Variants in PSMD8 observed in about 807,000 individuals in gnomAD.
The protein encoded by PSMD8 is proteasome 26S subunit, non-ATPase 8.
A neutral mutation model predicts 40.0 loss-of-function variants in PSMD8; 30 were observed. The ratio of observed to expected loss-of-function variants is 0.75; its 90% confidence interval spans 0.56 to 1.02. The LOEUF (loss-of-function observed/expected upper bound fraction) is 1.02. PSMD8 is among the 50% of genes least tolerant of loss of function. The probability of loss-of-function intolerance (pLI) is 0.00; values close to 1 mark genes in which losing one functional copy is unlikely to be tolerated. For synonymous variants in PSMD8, 208 were observed against 192.5 expected, an observed-to-expected ratio of 1.08 and a Z score of -0.67; for missense variants, 461 against 463.9, an observed-to-expected ratio of 0.99 and a Z score of 0.06.
At chr19:38,380,707 A>AGAGAGAGAGAGAGG (rs1555743507) in intron 4 of PSMD8, among the ~76,000 whole-genome samples, 192 bp from the exon 5 acceptor site, 1 of 120,884 alleles carries the variant, frequency 8.3e-6, no homozygotes, top group African/African-American at 3.5e-5. Flanking sequence ...AGAGAGAGAG[A>AGAGAGAGAGAGAGG]GTGTGTGTGT....
chr19:38,374,585 G>C lies in PSMD8; in HGVS notation c.-17G>C, dbSNP rs1156466712. 3.5e-6 allele frequency: 5 copies of C among 1,447,892 alleles called. No homozygotes were observed. Among genetic ancestry groups the C allele is most frequent in the Non-Finnish European group, 3.6e-6 (4 of 1,103,992 alleles). 89.7% of individuals were successfully genotyped at this position (1,447,892 alleles called of 1,614,324 possible). A position where few individuals can be genotyped will look rare whatever the true frequency, so the allele number is the denominator to read the frequency against. ...GTCACCATCTTGAGTGACGACAGAG[G>C]CGGAGCTCCAACTGACATGTTCATT... On this transcript the variant is annotated 5_prime_UTR_variant, in exon 1 of 7. Coordinates refer to ENST00000215071, the MANE Select transcript of PSMD8 (RefSeq NM_002812.5).
In PSMD8 at chr19:38,374,750, G is replaced by T; in HGVS notation, c.149G>T (p.Arg50Leu). Residue 50 changes from arginine to leucine, a missense_variant, in exon 1 of 7, where the codon CGC becomes CTC. Arg to Leu is a moderately radical substitution (Grantham distance 102). Coordinates refer to ENST00000215071, the MANE Select transcript of PSMD8 (RefSeq NM_002812.5). The part of the protein sequence containing the change: ...HFRRASVCRR[R>L]CRKSGGLLAA... ...CGCCGGGCAAGCGTTTGTAGGCGGC[G>T]CTGCCGTAAATCAGGCGGTCTGCTT... 1 of 1,557,232 alleles carries T rather than the reference G, an allele frequency of 6.4e-7. No homozygotes were observed.
intron 1 of PSMD8, 187 bp downstream of exon 1, chr19:38,375,148 C>A: frequency 2.0e-6 from 2 of 992,700 alleles, no homozygotes; most frequent in Non-Finnish European, 2.9e-6. Context: ...CGTCAAGAAG[C>A]GAGAGAGGGA....
Position 38,375,132 on chromosome 19 carries a change from G to A in PSMD8, c.360+171G>A, listed in dbSNP as rs1288099187. ...TTTGGAACAGCCAAAGTGGGGGCTCGGAGGGCGTCAAGAAGCGAGAGAGGG... is the reference window on the plus strand; with the variant it reads ...TTTGGAACAGCCAAAGTGGGGGCTCAGAGGGCGTCAAGAAGCGAGAGAGGG... On this transcript the variant is annotated intron_variant, in intron 1 of 6. Coordinates refer to ENST00000215071, the MANE Select transcript of PSMD8 (RefSeq NM_002812.5). The A allele has an allele frequency of 2.6e-6, 3 of 1,144,118 alleles. No homozygotes were observed. The African/African-American group carries it at 4.7e-5, about 18-fold the overall frequency. The allele number at this position is 1,144,118 out of a possible 1,614,324, so 70.9% of individuals were successfully genotyped here.
At chr19:38,381,964 T>G (rs1249794790) in intron 5 of PSMD8, among the ~76,000 whole-genome samples, 153 bp from the exon 6 acceptor site, 2 of 152,122 alleles carry the variant, frequency 1.3e-5, no homozygotes, top group African/African-American at 4.8e-5. Context: ...GTTTCTCCCC[T>G]TCTGAGCCTT....
In PSMD8 at chr19:38,374,926, C is replaced by T; in HGVS notation, c.325C>T (p.Leu109Phe). ...KGEWNRKSPN[L>F]SKCGEELGRL... Reference sequence around the variant, plus strand: ...CGAGTGGAACCGTAAAAGCCCCAATCTTAGCAAGTGCGGGGAAGAGCTGGG... The same window carrying T: ...CGAGTGGAACCGTAAAAGCCCCAATTTTAGCAAGTGCGGGGAAGAGCTGGG... Residue 109 changes from leucine to phenylalanine, a missense_variant, in exon 1 of 7, where the codon CTT becomes TTT. By Grantham distance (22) the Leu-to-Phe change is conservative. Coordinates refer to ENST00000215071, the MANE Select transcript of PSMD8 (RefSeq NM_002812.5). The T allele has an allele frequency of 6.3e-7, 1 of 1,580,670 alleles. No individual in the cohort carries two copies. Among genetic ancestry groups the T allele is most frequent in the Non-Finnish European group, 8.5e-7 (1 of 1,171,704 alleles).
intron 3 of PSMD8, 77 bp from the exon 4 acceptor site, chr19:38,379,162 GA>G: frequency 6.9e-7 from 1 of 1,439,410 alleles, no homozygotes; most frequent in Admixed American, 2.1e-5. Context: ...GCGTTGTGAG[GA>G]TTCCTGGAGC....
intron 5 of PSMD8, 123 bp from the exon 6 acceptor site, chr19:38,381,994 T>C (rs3760884): frequency 0.037 from 25,450 of 679,424 alleles, 562 homozygotes; most frequent in African/African-American, 0.074. Context: ...AACAGGGCCC[T>C]TCACATATTC....
In PSMD8 at chr19:38,380,760, AG is replaced by A. The variant is rs905962069; in HGVS notation, c.703-134del. ...TAAACCAGCAAGGGCTTTCTGGAAG[AG>A]GGGGTACCCAGGGCAGGGGTGTGGC... On this transcript the variant is annotated intron_variant, in intron 4 of 6. Transcript: ENST00000215071. 30 of 596,156 alleles carry A rather than the reference AG, an allele frequency of 5.0e-5. No homozygotes were observed. In the South Asian group the frequency reaches 6.1e-4, roughly 12 times the overall value. 36.9% of individuals were successfully genotyped at this position (596,156 alleles called of 1,614,324 possible).
At position 38,374,800 on chromosome 19, in the gene PSMD8, G is replaced by A; in HGVS notation, c.199G>A (p.Ala67Thr). ...TGCCGCATCACGCAAGATGGCGGCC[G>A]CGGCGGTGAACGGGGCGGCAGGCTT... is the stretch of plus-strand genomic sequence containing the variant. Reference protein sequence around the residue: ...LLAASRKMAAAAVNGAAGFSS... With the variant: ...LLAASRKMAATAVNGAAGFSS... The change falls in exon 1 of 7, where the codon GCG becomes ACG. Residue 67 changes from alanine (A) to threonine (T), a missense_variant. Transcript: ENST00000215071. 6.4e-7 allele frequency: 1 copy of A among 1,572,616 alleles called. No homozygotes were observed. Among genetic ancestry groups the A allele is most frequent in the South Asian group, 1.1e-5 (1 of 87,118 alleles).
intron 4 of PSMD8, among the ~76,000 whole-genome samples, chr19:38,380,376 G>A (rs1332591953): frequency 6.6e-6 from 1 of 152,196 alleles, no homozygotes; most frequent in African/African-American, 2.4e-5. Flanking sequence ...TGCTGTGTTC[G>A]AAGGACAGCC....
Position 38,379,316 on chromosome 19 carries a change from G to T in PSMD8, c.613G>T (p.Val205Leu). Residue 205 changes from valine (V) to leucine (L), a missense_variant, in exon 4 of 7, where the codon GTG becomes TTG. Val to Leu is a conservative substitution (Grantham distance 32). Coordinates refer to ENST00000215071, the MANE Select transcript of PSMD8 (RefSeq NM_002812.5). The stretch of plus-strand genomic sequence containing the variant: ...CCTCTTCCTGCTGTCCCAGAACCGG[G>T]TGGCTGAGTTCCACACGGAGTTGGA... ...NLLFLLSQNR[V>L]AEFHTELERL... 6.2e-7 allele frequency: 1 copy of T among 1,614,000 alleles called. No homozygotes were observed. Among genetic ancestry groups the T allele is most frequent in the Non-Finnish European group, 8.5e-7 (1 of 1,179,890 alleles).
chr19:38,382,151 G>A lies in PSMD8; in HGVS notation c.838G>A (p.Glu280Lys), dbSNP rs771601815. ...EIAGCIEKAY[E>K]KILFTEATRI... ...CGCTGGGTGCATCGAGAAGGCCTACGAGAAAATCCTTTTCACTGAGGCCAC... is the reference window on the plus strand; with the variant it reads ...CGCTGGGTGCATCGAGAAGGCCTACAAGAAAATCCTTTTCACTGAGGCCAC... Residue 280 changes from glutamate (E) to lysine (K), a missense_variant, in exon 6 of 7, where the codon GAG (glutamate) becomes AAG (lysine). Physicochemically the swap from Glu to Lys is moderately conservative, Grantham distance 56. Transcript: ENST00000215071. 1.9e-6 allele frequency: 3 copies of A among 1,587,976 alleles called. No individual in the cohort carries two copies. Among genetic ancestry groups the A allele is most frequent in the Admixed American group, 1.8e-5 (1 of 55,840 alleles).
intron 6 of PSMD8, 77 bp from the exon 7 acceptor site, chr19:38,383,176 G>A (rs1568389104): frequency 1.3e-6 from 2 of 1,578,292 alleles, no homozygotes; most frequent in South Asian, 2.2e-5. Context: ...GGACACGTGG[G>A]CAAGTGCTGG....
intron 1 of PSMD8, 37 bp downstream of exon 1, chr19:38,374,998 G>T: frequency 6.5e-7 from 1 of 1,536,634 alleles, no homozygotes; most frequent in South Asian, 1.2e-5. Context: ...AGTGTTGCGG[G>T]CGTGGGAGGC....
chr19:38,382,930 A>T (rs1970654979), intron 6 of PSMD8: 1 of 263,646 alleles, frequency 3.8e-6, no homozygotes, highest in Non-Finnish European at 7.3e-6. Context: ...AAAAAAAAAA[A>T]GAAGAAGGTG....
chr19:38,381,928 C>T (rs1206676361), intron 5 of PSMD8, among the ~76,000 whole-genome samples, 189 bp from the exon 6 acceptor site: 2 of 152,080 alleles, frequency 1.3e-5, no homozygotes, highest in Non-Finnish European at 2.9e-5. Context: ...ACCCGTGGCC[C>T]TTGCTTGCTT....
chr19:38,374,649 G>A lies in PSMD8; in HGVS notation c.48G>A (p.Arg16=), dbSNP rs752966140. The A allele has an allele frequency of 5.9e-6, 9 of 1,516,700 alleles. No individual in the cohort carries two copies. Among genetic ancestry groups the A allele is most frequent in the Non-Finnish European group, 7.0e-6 (8 of 1,139,762 alleles). The allele number at this position is 1,516,700 out of a possible 1,614,324, so 94.0% of individuals were successfully genotyped here. ...RAPRAPPRER[R]RATRGGLRQV... Reference sequence around the variant, plus strand: ...CGAGGGCGCCACCTCGAGAGCGACGGCGGGCTACCCGGGGCGGGCTGAGGC... The same window carrying A: ...CGAGGGCGCCACCTCGAGAGCGACGACGGGCTACCCGGGGCGGGCTGAGGC... Residue 16 remains arginine (R), a synonymous_variant, in exon 1 of 7, where the codon CGG becomes CGA. Coordinates refer to ENST00000215071, the MANE Select transcript of PSMD8 (RefSeq NM_002812.5).
chr19:38,380,934 G>A lies in PSMD8; in HGVS notation c.738G>A (p.Leu246=). 2.6e-6 allele frequency: 4 copies of A among 1,515,410 alleles called. No individual in the cohort carries two copies. Among genetic ancestry groups the A allele is most frequent in the Non-Finnish European group, 3.5e-6 (4 of 1,130,398 alleles). 93.9% of individuals were successfully genotyped at this position (1,515,410 alleles called of 1,614,324 possible). A position where few individuals can be genotyped will look rare whatever the true frequency, so the allele number is the denominator to read the frequency against. ...AGGGCAGCTACAACAAAGTGTTCCT[G>A]GCCAAGGGTAACATCCCCGCCGAGA... The part of the protein sequence containing the change: ...LMEGSYNKVF[L]AKGNIPAESY... The change falls in exon 5 of 7, where the codon CTG becomes CTA. Residue 246 remains leucine (L), a synonymous_variant. Transcript: ENST00000215071.
Sources: gnomAD v4.1 joint callset for allele counts (sites outside exome capture counted in the v4.1 genomes callset) on GRCh38, gnomAD v4.1.1 for gene constraint, MANE v1.5 for transcripts, NCBI Gene and HGNC (gene_info 2026-07-23, HGNC 2026-07-21) for gene names.